NTNG1: variants seen among roughly 807,000 people sequenced by gnomAD.
NTNG1 encodes the protein netrin G1.
Under a neutral mutation model 54.0 loss-of-function variants are expected in NTNG1, and 16 were observed. The ratio of observed to expected loss-of-function variants is 0.30; its 90% CI spans 0.20 to 0.45. NTNG1 has a LOEUF of 0.45. NTNG1 is among the 20% of genes least tolerant of loss of function. The pLI, the probability that NTNG1 is intolerant of heterozygous loss-of-function variation, is 1.00. For missense variants in NTNG1, 530 were observed against 678.7 expected (o/e 0.78, Z 2.43); for synonymous variants, 255 against 263.1 (o/e 0.97, Z 0.30).
chr1:107,472,200 G>A (rs1327409414), intron 7 of NTNG1, among the ~76,000 whole-genome samples: 1 of 152,104 alleles, frequency 6.6e-6, no homozygotes, highest in Non-Finnish European at 1.5e-5. Flanking sequence ...TGGGGCAGCA[G>A]ATAAGACTGA....
intron 7 of NTNG1, among the ~76,000 whole-genome samples, chr1:107,457,066 A>G (rs1194024794): frequency 3.3e-5 from 5 of 152,258 alleles, no homozygotes; most frequent in Non-Finnish European, 5.9e-5. Context: ...TATTATCTGA[A>G]GAAAATACAA....
chr1:107,409,295 A>T (rs1673645370), intron 5 of NTNG1: 1 of 152,208 alleles, frequency 6.6e-6, no homozygotes, highest in Non-Finnish European at 1.5e-5. Context: ...GCTGACACAG[A>T]TTATTGAGGC....
intron 7 of NTNG1, among the ~76,000 whole-genome samples, chr1:107,478,151 T>C (rs1269928402): frequency 6.6e-6 from 1 of 152,212 alleles, no homozygotes; most frequent in Non-Finnish European, 1.5e-5. Context: ...ATAATTAGGT[T>C]AGATGTGCTT....
chr1:107,374,726 T>C (rs1671126485), intron 3 of NTNG1, among the ~76,000 whole-genome samples: 1 of 152,200 alleles, frequency 6.6e-6, no homozygotes, highest in Admixed American at 6.5e-5. Context: ...ATTTGTGTCA[T>C]TTTTCTGCTC....
intron 2 of NTNG1, among the ~76,000 whole-genome samples, chr1:107,223,948 C>A (rs898423638): frequency 1.3e-5 from 2 of 152,054 alleles, no homozygotes; most frequent in African/African-American, 4.8e-5. Flanking sequence ...AATGACAATA[C>A]AAGAGCTAAA....
chr1:107,409,439 G>C (rs1263686495), intron 5 of NTNG1: 1 of 152,030 alleles, frequency 6.6e-6, no homozygotes, highest in Non-Finnish European at 1.5e-5. Flanking sequence ...CTGCTCACTC[G>C]ACATCCCATT....
At position 107,430,926 on chromosome 1, in the gene NTNG1, C is replaced by A; in HGVS notation, c.1255+9C>A. ...TGAGAATGTGTGCATAGGTCAGTTC[C>A]ATTACAATTTCAGCTATTCTTCTGT... On this transcript the variant is annotated intron_variant, in intron 6 of 7. Coordinates refer to ENST00000370068, the MANE Select transcript of NTNG1 (RefSeq NM_001113226.3). The A allele has an allele frequency of 6.2e-7, 1 of 1,611,082 alleles. No individual in the cohort carries two copies. Among genetic ancestry groups the A allele is most frequent in the Non-Finnish European group, 8.5e-7 (1 of 1,178,184 alleles).
In NTNG1 at chr1:107,407,434, C is replaced by T. The variant is rs2587905; in HGVS notation, c.1061-248C>T. Among the ~76,000 whole-genome samples, 1,314 of 152,072 alleles carry T rather than the reference C, an allele frequency of 8.6e-3. 15 individuals are homozygous for T. The highest frequency in any genetic ancestry group is 0.025 in the African/African-American group (1,056 of 41,496). On this transcript the variant is annotated intron_variant, in intron 4 of 7. Coordinates refer to ENST00000370068, the MANE Select transcript of NTNG1 (RefSeq NM_001113226.3). ...GATGCCGAAATGAGTATTAACTTCC[C>T]AACTCTGATGAGCCCAGGAGTTCTA... is the stretch of plus-strand genomic sequence containing the variant.
chr1:107,189,080 C>T (rs541548741), intron 2 of NTNG1, among the ~76,000 whole-genome samples: 4 of 151,878 alleles, frequency 2.6e-5, no homozygotes, highest in South Asian at 4.2e-4. Context: ...GGCCTAGCAC[C>T]GTGGCTCTCA....
intron 4 of NTNG1, among the ~76,000 whole-genome samples, chr1:107,406,409 C>T (rs1011552257): frequency 3.9e-5 from 6 of 152,164 alleles, no homozygotes; most frequent in African/African-American, 1.4e-4. Flanking sequence ...GGCCGCACAC[C>T]ATGTGTCAGA....
intron 2 of NTNG1, among the ~76,000 whole-genome samples, chr1:107,265,249 A>G (rs1663654842): frequency 6.6e-6 from 1 of 152,160 alleles, no homozygotes; most frequent in African/African-American, 2.4e-5. Flanking sequence ...AAGGAAAGGA[A>G]TGTAGAAGTA....
chr1:107,385,242 C>T (rs1196199546), intron 3 of NTNG1, among the ~76,000 whole-genome samples: 2 of 152,138 alleles, frequency 1.3e-5, no homozygotes, highest in Non-Finnish European at 2.9e-5. Context: ...CCCACTTTGA[C>T]ACACGTTCCC....
rs541057761 is a variant in NTNG1 at position 107,408,018 on chromosome 1, C to T, written c.1087+310C>T. 192 of 533,836 alleles carry T rather than the reference C, an allele frequency of 3.6e-4. 1 individual carries two copies. Among genetic ancestry groups the T allele is most frequent in the Admixed American group, 1.7e-3 (77 of 44,074 alleles). 33.1% of individuals were successfully genotyped at this position (533,836 alleles called of 1,614,324 possible). Reference sequence around the variant, plus strand: ...TCATTCAGGAAAAATATAAGTAGTCCTATTTATCCATACTTAGCAACCAAC... The same window carrying T: ...TCATTCAGGAAAAATATAAGTAGTCTTATTTATCCATACTTAGCAACCAAC... On this transcript the variant is annotated intron_variant, in intron 5 of 7. Coordinates refer to ENST00000370068, the MANE Select transcript of NTNG1 (RefSeq NM_001113226.3).
chr1:107,182,938 A>C (rs1019186172), intron 2 of NTNG1, among the ~76,000 whole-genome samples: 1 of 152,198 alleles, frequency 6.6e-6, no homozygotes, highest in Admixed American at 6.6e-5. Context: ...TCCAAAAATG[A>C]AGGAGAATTC....
chr1:107,459,936 A>G (rs1677179166), intron 7 of NTNG1, among the ~76,000 whole-genome samples: 1 of 152,230 alleles, frequency 6.6e-6, no homozygotes, highest in African/African-American at 2.4e-5. Context: ...AACTAGTCCC[A>G]TGTACACTCA....
chr1:107,398,593 G>A (rs1466752579), intron 4 of NTNG1, among the ~76,000 whole-genome samples: 1 of 152,128 alleles, frequency 6.6e-6, no homozygotes, highest in Non-Finnish European at 1.5e-5. Flanking sequence ...TGCTTTTCAT[G>A]ACAATAAACT....
intron 7 of NTNG1, among the ~76,000 whole-genome samples, chr1:107,459,184 CAA>C (rs1677128683): frequency 6.6e-6 from 1 of 152,024 alleles, no homozygotes; most frequent in Non-Finnish European, 1.5e-5. Flanking sequence ...TGTAACTTTG[CAA>C]AGACATATAT....
At chr1:107,173,052 A>G (rs1302977864) in intron 2 of NTNG1, among the ~76,000 whole-genome samples, 1 of 152,138 alleles carries the variant, frequency 6.6e-6, no homozygotes, top group Non-Finnish European at 1.5e-5. Flanking sequence ...GTAATGAATT[A>G]ACTGGTCCAC....
At chr1:107,479,998 C>T (rs956668329) in intron 7 of NTNG1, among the ~76,000 whole-genome samples, 4 of 152,054 alleles carry the variant, frequency 2.6e-5, no homozygotes, top group Non-Finnish European at 4.4e-5. Context: ...CTTTTCCTCA[C>T]ACTCCTCCCA....
Sources: gnomAD v4.1 joint callset for allele counts (sites outside exome capture counted in the v4.1 genomes callset) on GRCh38, gnomAD v4.1.1 for gene constraint, MANE v1.5 for transcripts, NCBI Gene and HGNC (gene_info 2026-07-23, HGNC 2026-07-21) for gene names.